Variants in ZNF93 observed in about 807,000 individuals in gnomAD.
ZNF93 encodes zinc finger protein 505.
A neutral mutation model predicts 45.0 loss-of-function variants in ZNF93; 29 were observed. The ratio of observed to expected loss-of-function variants is 0.64; its 90% CI spans 0.48 to 0.88. ZNF93 has a LOEUF of 0.88. Ranked by LOEUF, ZNF93 falls within the 40% of genes least tolerant of loss-of-function variation. ZNF93 has a pLI of 0.00. For missense variants in ZNF93, 578 were observed against 724.0 expected, an observed-to-expected ratio of 0.80 and a Z score of 2.31; for synonymous variants, 223 against 244.6, an observed-to-expected ratio of 0.91 and a Z score of 0.82.
Position 19,915,411 on chromosome 19 carries a change from G to C in ZNF93, c.130+5G>C. Reference sequence around the variant, plus strand: ...ACAGTAACCTGGTCTTCCTTGGTGAGGATAACTTTAATACATAATTCATAA... The same window carrying C: ...ACAGTAACCTGGTCTTCCTTGGTGACGATAACTTTAATACATAATTCATAA... On this transcript the variant is annotated splice_donor_5th_base_variant and intron_variant, in intron 2 of 3. Coordinates refer to ENST00000343769, the MANE Select transcript of ZNF93 (RefSeq NM_031218.4). 1 of 1,611,456 alleles carries C rather than the reference G, an allele frequency of 6.2e-7. No homozygotes were observed. Among genetic ancestry groups the C allele is most frequent in the Non-Finnish European group, 8.5e-7 (1 of 1,179,026 alleles).
chr19:19,903,393 C>T (rs1213219733), intron 1 of ZNF93, among the ~76,000 whole-genome samples: 1 of 152,150 alleles, frequency 6.6e-6, no homozygotes, highest in East Asian at 1.9e-4. Context: ...GCTCAAAGTT[C>T]AGGAGCCTGA....
In ZNF93 at chr19:19,925,666, T is replaced by A. The variant is rs994346427; in HGVS notation, c.227-7516T>A. Among the ~76,000 whole-genome samples the A allele has an allele frequency of 6.0e-4, 91 of 152,254 alleles. 1 individual carries two copies. Among genetic ancestry groups the A allele is most frequent in the Non-Finnish European group, 2.1e-4 (14 of 68,040 alleles). ...CCATATTTACGAAAATAGTTACTTG[T>A]AAATTTCAGTTTGCTGCAGGCAAAA... On this transcript the variant is annotated intron_variant, in intron 3 of 3. Transcript: ENST00000343769.
chr19:19,924,990 G>A (rs2063352373), intron 3 of ZNF93, among the ~76,000 whole-genome samples: 1 of 152,198 alleles, frequency 6.6e-6, no homozygotes, highest in Non-Finnish European at 1.5e-5. Context: ...CAGTAAAAGC[G>A]AAGGTCTGTA....
intron 3 of ZNF93, among the ~76,000 whole-genome samples, chr19:19,924,464 A>G (rs913992389): frequency 1.2e-4 from 18 of 152,218 alleles, no homozygotes; most frequent in African/African-American, 3.9e-4. Flanking sequence ...TGTATTGCCA[A>G]TGGACACAAT....
rs142050067 is a variant in ZNF93 at position 19,911,065 on chromosome 19, A to T, written c.4-4215A>T. Among the ~76,000 whole-genome samples, 195 of 152,330 alleles carry T rather than the reference A, an allele frequency of 1.3e-3. 1 individual carries two copies. Among genetic ancestry groups the T allele is most frequent in the African/African-American group, 4.5e-3 (186 of 41,580 alleles). ...GAGTGAGAGATCGGGGCCACAAAGT[A>T]TCCAGAGCCATGACCACAATTATAT... On this transcript the variant is annotated intron_variant, in intron 1 of 3. Coordinates refer to ENST00000343769, the MANE Select transcript of ZNF93 (RefSeq NM_031218.4).
chr19:19,901,144 G>A lies in ZNF93; in HGVS notation c.3+53G>A, dbSNP rs2063269125. 11 of 1,612,092 alleles carry A rather than the reference G, an allele frequency of 6.8e-6. No individual in the cohort carries two copies. In the South Asian group the frequency reaches 1.1e-4, roughly 16 times the overall value. The stretch of plus-strand genomic sequence containing the variant: ...CGACGGGGAGGGGCTGGTTGGAACC[G>A]GTGGAAAGTGACGGTGGCGGGACTC... On this transcript the variant is annotated intron_variant, in intron 1 of 3. Transcript: ENST00000343769.
At chr19:19,909,948 A>G (rs2063303088) in intron 1 of ZNF93, among the ~76,000 whole-genome samples, 1 of 152,242 alleles carries the variant, frequency 6.6e-6, no homozygotes, top group Non-Finnish European at 1.5e-5. Context: ...ATTTCTACAA[A>G]CTTCACAGGG....
chr19:19,920,210 A>G (rs186136469), intron 3 of ZNF93, among the ~76,000 whole-genome samples: 1 of 152,144 alleles, frequency 6.6e-6, no homozygotes, highest in African/African-American at 2.4e-5. Flanking sequence ...TGAGATAATC[A>G]TGTGGTTTTT....
chr19:19,934,561 C>A lies in ZNF93; in HGVS notation c.1606C>A (p.Pro536Thr), dbSNP rs1252738051. The A allele has an allele frequency of 6.2e-7, 1 of 1,613,602 alleles. No individual in the cohort carries two copies. The highest frequency in any genetic ancestry group is 2.2e-5 in the East Asian group (1 of 44,856). ...KHKKIHTREK[P>T]YKCEECGKAF... is the part of the protein sequence containing the mutation. ...TAAGAAAATTCATACTAGAGAGAAA[C>A]CCTACAAATGTGAAGAATGTGGCAA... The change falls in exon 4 of 4, where the codon CCC (proline) becomes ACC (threonine). Residue 536 changes from proline to threonine, a missense_variant. Pro to Thr is a conservative substitution (Grantham distance 38). This residue lies in a region of ZNF93 where 119 missense variants were observed against 123.1 expected (regional missense o/e 0.97). Transcript: ENST00000343769.
intron 1 of ZNF93, chr19:19,914,766 C>T (rs1295555879): frequency 2.6e-6 from 1 of 386,434 alleles, no homozygotes; most frequent in African/African-American, 2.2e-5. Flanking sequence ...CAGGCTCTTC[C>T]ACTTACTGGA....
intron 3 of ZNF93, among the ~76,000 whole-genome samples, chr19:19,929,153 A>G (rs1364790204): frequency 6.6e-6 from 1 of 151,968 alleles, no homozygotes; most frequent in African/African-American, 2.4e-5. Context: ...TCTTCACCTC[A>G]TACTTGCTCT....
At chr19:19,919,663 C>G (rs1249168500) in intron 3 of ZNF93, among the ~76,000 whole-genome samples, 2 of 152,070 alleles carry the variant, frequency 1.3e-5, no homozygotes, top group African/African-American at 4.8e-5. Context: ...TGAAAAGATC[C>G]TTCACATCCC....
At chr19:19,926,845 G>A (rs2063357685) in intron 3 of ZNF93, among the ~76,000 whole-genome samples, 1 of 151,994 alleles carries the variant, frequency 6.6e-6, no homozygotes, top group Admixed American at 6.6e-5. Context: ...TCCAATTTTA[G>A]TTATGGCTTA....
chr19:19,912,257 T>A (rs73008670), intron 1 of ZNF93, among the ~76,000 whole-genome samples: 22,744 of 152,064 alleles, frequency 0.15, 2,010 homozygotes, highest in East Asian at 0.41. Context: ...AAACTGGAAG[T>A]TTCCTAGTTG....
rs371727972 is a variant in ZNF93, at chr19:19,934,607, A to G, written c.1652A>G (p.His551Arg). 1.9e-6 allele frequency: 3 copies of G among 1,613,666 alleles called. No homozygotes were observed. The highest frequency in any genetic ancestry group is 2.5e-6 in the Non-Finnish European group (3 of 1,179,930). The change falls in exon 4 of 4, where the codon CAC becomes CGC. Residue 551 changes from histidine (H) to arginine (R), a missense_variant. Physicochemically the swap from His to Arg is conservative, Grantham distance 29. Around this residue, in one of 3 missense-constraint regions of ZNF93, gnomAD observed 119 missense variants for 123.1 expected, o/e 0.97. Transcript: ENST00000343769. ...GGCAAAGCTTTTCACCTATCCACAC[A>G]CCTTACTACACATAAGATACTTCAT... is the stretch of plus-strand genomic sequence containing the variant. ...ECGKAFHLST[H>R]LTTHKILHTG... is the part of the protein sequence containing the mutation.
In ZNF93 at chr19:19,934,115, A is replaced by G. The variant is rs1267672330; in HGVS notation, c.1160A>G (p.His387Arg). 1.2e-6 allele frequency: 2 copies of G among 1,611,468 alleles called. No homozygotes were observed. Among genetic ancestry groups the G allele is most frequent in the Non-Finnish European group, 1.7e-6 (2 of 1,179,552 alleles). ...AFIWSSVLTR[H>R]KRVHTGEKPY... ...ATTTGGTCCTCAGTCCTAACTAGAC[A>G]TAAGAGAGTTCATACTGGAGAGAAG... is the stretch of plus-strand genomic sequence containing the variant. Residue 387 changes from histidine to arginine, a missense_variant, in exon 4 of 4, where the codon CAT (histidine) becomes CGT (arginine). By Grantham distance (29) the His-to-Arg change is conservative. Around this residue, in one of 3 missense-constraint regions of ZNF93, gnomAD observed 446 missense variants for 547.6 expected, o/e 0.81. Coordinates refer to ENST00000343769, the MANE Select transcript of ZNF93 (RefSeq NM_031218.4).
chr19:19,911,684 CT>C, intron 1 of ZNF93, among the ~76,000 whole-genome samples: 1 of 151,736 alleles, frequency 6.6e-6, no homozygotes, highest in East Asian at 1.9e-4. Context: ...AGACCACTTT[CT>C]TTATATTGTT....
chr19:19,920,535 C>T (rs1177797278), intron 3 of ZNF93, among the ~76,000 whole-genome samples: 1 of 152,192 alleles, frequency 6.6e-6, no homozygotes, highest in African/African-American at 2.4e-5. Flanking sequence ...ACCGGCTCCT[C>T]CTTGTACCTC....
Position 19,934,173 on chromosome 19 carries a change from T to C in ZNF93, c.1218T>C (p.Phe406=). The C allele has an allele frequency of 2.5e-6, 4 of 1,611,980 alleles. No individual in the cohort carries two copies. Among genetic ancestry groups the C allele is most frequent in the Non-Finnish European group, 3.4e-6 (4 of 1,179,882 alleles). The change falls in exon 4 of 4, where the codon TTT becomes TTC. Residue 406 remains phenylalanine (F), a synonymous_variant. Coordinates refer to ENST00000343769, the MANE Select transcript of ZNF93 (RefSeq NM_031218.4). ...AATGTGAAGAATGTGGCAAAGCCTT[T>C]AAGTACTCCTCTACCCTTAGTTCAC... ...PYKCEECGKA[F]KYSSTLSSHK... is the part of the protein sequence containing the mutation.
Sources: allele counts gnomAD v4.1 joint callset (sites outside exome capture counted in the v4.1 genomes callset), GRCh38; gene constraint gnomAD v4.1.1; regional missense constraint gnomAD v4.1.1; transcripts MANE v1.5; gene names NCBI Gene and HGNC (gene_info 2026-07-23, HGNC 2026-07-21).